Variants in PRKCQ observed in about 807,000 individuals in gnomAD.
PRKCQ encodes the protein protein kinase C theta.
In PRKCQ, 41 loss-of-function variants were observed where a neutral mutation model predicts 91.2. That is an observed-to-expected ratio of 0.45 (90% CI 0.35 to 0.58). The LOEUF (loss-of-function observed/expected upper bound fraction) is 0.58. Ranked by LOEUF, PRKCQ falls within the 20% of genes least tolerant of loss-of-function variation. The pLI, the probability that PRKCQ is intolerant of heterozygous loss-of-function variation, is 0.00. For synonymous variants in PRKCQ, 307 were observed against 316.9 expected, an observed-to-expected ratio of 0.97 and a Z score of 0.33; for missense variants, 673 against 896.5, an observed-to-expected ratio of 0.75 and a Z score of 3.18.
In PRKCQ at chr10:6,485,469, G is replaced by A. The variant is rs74498963; in HGVS notation, c.901-200C>T. On this transcript the variant is annotated intron_variant, in intron 9 of 17. Coordinates refer to ENST00000263125, the MANE Select transcript of PRKCQ (RefSeq NM_006257.5). ...TGTATTTTATGCATTAGCCGAACAC[G>A]TTTGCCTCCTTCACACTTTTCTGGG... Among the ~76,000 whole-genome samples, 307 of 152,302 alleles carry A rather than the reference G, an allele frequency of 2.0e-3. 4 individuals are homozygous for A. The highest frequency in any genetic ancestry group is 7.2e-3 in the African/African-American group (299 of 41,564).
the PRKCQ span, among the ~76,000 whole-genome samples, chr10:6,419,015 GTATC>G: frequency 2.1e-5 from 3 of 142,698 alleles, no homozygotes. Context: ...TGCTATCTAT[GTATC>G]TATCATCTAT....
At chr10:6,419,474 C>CT in the PRKCQ span, among the ~76,000 whole-genome samples, 1 of 103,654 alleles carries the variant, frequency 9.6e-6, no homozygotes, top group Non-Finnish European at 2.6e-5. Flanking sequence ...CCTCCATGCT[C>CT]CCCCATTCTC....
chr10:6,425,225 AT>A (rs34277466), downstream of PRKCQ, among the ~76,000 whole-genome samples: 9,318 of 137,568 alleles, frequency 0.068, 338 homozygotes, highest in Middle Eastern at 0.16. Context: ...TCTCTCCTCT[AT>A]TTTTTTTTTT....
intron 1 of PRKCQ, among the ~76,000 whole-genome samples, chr10:6,570,087 G>C (rs1840983092): frequency 6.6e-6 from 1 of 152,072 alleles, no homozygotes; most frequent in Admixed American, 6.5e-5. Context: ...GGGGTCATGG[G>C]AGACACAGAG....
At chr10:6,421,096 TG>T in the PRKCQ span, among the ~76,000 whole-genome samples, 7 of 152,322 alleles carry the variant, frequency 4.6e-5, no homozygotes, top group South Asian at 1.5e-3. The surrounding 1 kb of genome is among the most constrained non-coding windows in gnomAD (Gnocchi z 4.1). Flanking sequence ...CATCTACTTT[TG>T]GGAAGTTTCT....
chr10:6,578,131 A>T (rs747405465), intron 1 of PRKCQ, among the ~76,000 whole-genome samples: 2 of 152,190 alleles, frequency 1.3e-5, no homozygotes, highest in African/African-American at 2.4e-5. Flanking sequence ...GTTGAAAGGG[A>T]TCTTTGAGAT....
At chr10:6,440,327 A>G (rs1467249391) in intron 16 of PRKCQ, among the ~76,000 whole-genome samples, 1 of 152,232 alleles carries the variant, frequency 6.6e-6, no homozygotes, top group Non-Finnish European at 1.5e-5. Context: ...GCGTTGGTAC[A>G]GTATATAGGC....
At position 6,497,772 on chromosome 10, in the gene PRKCQ, G is replaced by A. The variant is rs1219678949; in HGVS notation, c.543-521C>T. ...CAGGCTGATGAAAACCCGCCAAGTC[G>A]ATCTGGCATGTGGATACCCTGGTTA... On this transcript the variant is annotated intron_variant, in intron 5 of 17. Coordinates refer to ENST00000263125, the MANE Select transcript of PRKCQ (RefSeq NM_006257.5). The surrounding 1 kb of genome is among the most constrained non-coding windows in gnomAD (Gnocchi z 4.5). 6.6e-6 allele frequency among the ~76,000 whole-genome samples: 1 copy of A among 152,160 alleles called. No homozygotes were observed. Among genetic ancestry groups the A allele is most frequent in the Non-Finnish European group, 1.5e-5 (1 of 68,030 alleles).
At chr10:6,399,349 C>CT in the PRKCQ span, among the ~76,000 whole-genome samples, 2 of 152,198 alleles carry the variant, frequency 1.3e-5, no homozygotes, top group African/African-American at 4.8e-5. Context: ...GTGCTCAATT[C>CT]CTTTCTGCAG....
intron 12 of PRKCQ, among the ~76,000 whole-genome samples, chr10:6,478,422 A>G (rs971239641): frequency 8.5e-5 from 13 of 152,184 alleles, no homozygotes; most frequent in Admixed American, 3.9e-4. Context: ...TTAAGGAAAA[A>G]GGAGACCAGG....
At chr10:6,476,445 C>G (rs924849221) in intron 12 of PRKCQ, among the ~76,000 whole-genome samples, 1 of 152,078 alleles carries the variant, frequency 6.6e-6, no homozygotes, top group African/African-American at 2.4e-5. Context: ...CAGTTATAAT[C>G]CTACCTCCCA....
upstream of PRKCQ, chr10:6,580,330 C>T (rs886440267): frequency 2.8e-5 from 4 of 140,460 alleles, no homozygotes; most frequent in Non-Finnish European, 6.5e-5. Context: ...GGCTGGCGGG[C>T]CCGGCGCACT....
the PRKCQ span, among the ~76,000 whole-genome samples, chr10:6,395,054 G>GTT: frequency 3.7e-4 from 48 of 129,956 alleles, no homozygotes; most frequent in African/African-American, 4.6e-4. Context: ...GGAAGCTGGA[G>GTT]TCTTTTTTTT....
chr10:6,577,780 A>C (rs1036295481), intron 1 of PRKCQ, among the ~76,000 whole-genome samples: 2 of 152,216 alleles, frequency 1.3e-5, no homozygotes, highest in Non-Finnish European at 2.9e-5. Context: ...AATGCATTAA[A>C]AACAGGAAGT....
intron 4 of PRKCQ, among the ~76,000 whole-genome samples, chr10:6,499,991 A>G (rs746562465): frequency 6.6e-6 from 1 of 152,248 alleles, no homozygotes; most frequent in Non-Finnish European, 1.5e-5. Flanking sequence ...ACTTCCAGAC[A>G]AAAAGCATTT....
chr10:6,485,290 C>A, intron 9 of PRKCQ, 21 bp from the exon 10 acceptor site: 1 of 1,592,848 alleles, frequency 6.3e-7, no homozygotes, highest in South Asian at 1.1e-5. Flanking sequence ...AACAGAGAGT[C>A]AGACCACCCA....
intron 1 of PRKCQ, among the ~76,000 whole-genome samples, chr10:6,549,555 A>T (rs1453080147): frequency 6.6e-6 from 1 of 152,140 alleles, no homozygotes; most frequent in Non-Finnish European, 1.5e-5. Flanking sequence ...TGCCATTAAA[A>T]GTAATGACAA....
chr10:6,453,068 C>G (rs1316874057), intron 15 of PRKCQ, among the ~76,000 whole-genome samples: 1 of 151,816 alleles, frequency 6.6e-6, no homozygotes, highest in Non-Finnish European at 1.5e-5. Context: ...CCAAAATTGA[C>G]AAATGGGATC....
chr10:6,448,445 T>C (rs1834446548), intron 15 of PRKCQ, among the ~76,000 whole-genome samples: 1 of 151,762 alleles, frequency 6.6e-6, no homozygotes, highest in Non-Finnish European at 1.5e-5. Context: ...AGTCTCACTC[T>C]GTCACCAAGC....
Sources: gnomAD v4.1 joint callset for allele counts (sites outside exome capture counted in the v4.1 genomes callset) on GRCh38, gnomAD v4.1.1 for gene constraint, Gnocchi (gnomAD v3.1) non-coding constraint, MANE v1.5 for transcripts, NCBI Gene and HGNC (gene_info 2026-07-23, HGNC 2026-07-21) for gene names.